EXOSC9: variants seen among roughly 807,000 people sequenced by gnomAD.
The protein encoded by EXOSC9 is exosome complex component RRP45.
In EXOSC9, 38 loss-of-function variants were observed where a neutral mutation model predicts 56.5. That is an observed-to-expected ratio of 0.67 (90% CI 0.52 to 0.88). The LOEUF (loss-of-function observed/expected upper bound fraction) is 0.88. Ranked by LOEUF, EXOSC9 falls within the 40% of genes least tolerant of loss-of-function variation. The pLI, the probability that EXOSC9 is intolerant of heterozygous loss-of-function variation, is 0.00. For synonymous variants in EXOSC9, 170 were observed against 170.8 expected, an observed-to-expected ratio of 0.99 and a Z score of 0.04; for missense variants, 559 against 530.5, an observed-to-expected ratio of 1.05 and a Z score of -0.53.
intron 9 of EXOSC9, 32 bp from the exon 10 acceptor site, chr4:121,813,834 T>C: frequency 6.7e-7 from 1 of 1,484,076 alleles, no homozygotes; most frequent in Non-Finnish European, 9.3e-7. Context: ...AATAGCAATA[T>C]TTTTGTTACT....
chr4:121,802,859 T>G (rs1272338914), intron 3 of EXOSC9, 56 bp from the exon 4 acceptor site: 8 of 1,611,260 alleles, frequency 5.0e-6, no homozygotes, highest in Non-Finnish European at 5.9e-6. Context: ...AGCTTTTGTT[T>G]TAATACCTGG....
At chr4:121,809,865 C>T (rs1183810448) in intron 6 of EXOSC9, 102 bp from the exon 7 acceptor site, 1 of 1,344,416 alleles carries the variant, frequency 7.4e-7, no homozygotes, top group Admixed American at 1.7e-5. Context: ...GACCTTTATT[C>T]TCTGTTGACT....
rs774275593 is a variant in EXOSC9, at chr4:121,801,481, A to G, written c.57A>G (p.Glu19=). 6.2e-7 allele frequency: 1 copy of G among 1,614,188 alleles called. No individual in the cohort carries two copies. The highest frequency in any genetic ancestry group is 8.5e-7 in the Non-Finnish European group (1 of 1,180,020). Residue 19 remains glutamate, a synonymous_variant, in exon 1 of 12, where the codon GAA becomes GAG. Transcript: ENST00000243498. Reference sequence around the variant, plus strand: ...GCCGCTTCCTACTCCGTGCCATCGAAGAGAAGAAGGTATGGTTTGGTGCCC... The same window carrying G: ...GCCGCTTCCTACTCCGTGCCATCGAGGAGAAGAAGGTATGGTTTGGTGCCC... The part of the protein sequence containing the change: ...CERRFLLRAI[E]EKKRLDGRQT...
Position 121,802,811 on chromosome 4 carries a change from T to A in EXOSC9, c.281+18T>A. ...CCTGGCAGGTATTTAAATCTTTTTC[T>A]TAAGTTGCTTTAGTCATAGGAGAAC... On this transcript the variant is annotated intron_variant, in intron 3 of 11. Coordinates refer to ENST00000243498, the MANE Select transcript of EXOSC9 (RefSeq NM_005033.3). 6.2e-7 allele frequency: 1 copy of A among 1,613,340 alleles called. No individual in the cohort carries two copies. Among genetic ancestry groups the A allele is most frequent in the Non-Finnish European group, 8.5e-7 (1 of 1,179,840 alleles).
chr4:121,807,495 C>A, intron 5 of EXOSC9, 45 bp from the exon 6 acceptor site: 2 of 1,227,642 alleles, frequency 1.6e-6, no homozygotes, highest in South Asian at 1.3e-5. Context: ...TTTGGATGTT[C>A]ATAACTTAGT....
intron 9 of EXOSC9, 111 bp downstream of exon 9, chr4:121,813,491 CTTTG>C: frequency 1.1e-6 from 1 of 914,108 alleles, no homozygotes; most frequent in Non-Finnish European, 1.7e-6. Context: ...AAACACTGTA[CTTTG>C]TTAGAGAAAA....
In EXOSC9 at chr4:121,816,428, A is replaced by G. The variant is rs1156334113; in HGVS notation, c.1216A>G (p.Lys406Glu). 6.3e-7 allele frequency: 1 copy of G among 1,576,274 alleles called. No individual in the cohort carries two copies. The highest frequency in any genetic ancestry group is 1.4e-5 in the African/African-American group (1 of 73,002). ...AGAAATGATCATTTTGGAACCAGAC[A>G]AGAATCCAAAGAAAATAAGGTAACA... Reference protein sequence around the residue: ...EEEMIILEPDKNPKKIRTQTT... With the variant: ...EEEMIILEPDENPKKIRTQTT... Residue 406 changes from lysine (K) to glutamate (E), a missense_variant, in exon 11 of 12, where the codon AAG becomes GAG. Coordinates refer to ENST00000243498, the MANE Select transcript of EXOSC9 (RefSeq NM_005033.3).
At chr4:121,816,327 C>G (rs1474990433) in intron 10 of EXOSC9, 42 bp from the exon 11 acceptor site, 1 of 1,065,848 alleles carries the variant, frequency 9.4e-7, no homozygotes, top group East Asian at 3.0e-5. Context: ...CAAGAGATTG[C>G]TTAACTTTTT....
chr4:121,813,806 A>C, intron 9 of EXOSC9, 60 bp from the exon 10 acceptor site: 1 of 1,249,836 alleles, frequency 8.0e-7, no homozygotes, highest in East Asian at 2.3e-5. Flanking sequence ...TTTCATTCTC[A>C]TCTTCAACAG....
chr4:121,816,997 TTAAAA>T lies in EXOSC9; in HGVS notation c.*145_*149del. ...AATAGTTTTTTGTTTTTAATGTGCT[TTAAAA>T]TAATAAACCTTCTGGAGCATTTCTC... On this transcript the variant is annotated 3_prime_UTR_variant, in exon 12 of 12. Transcript: ENST00000243498. The T allele has an allele frequency of 2.4e-6, 2 of 839,750 alleles. No homozygotes were observed. Among genetic ancestry groups the T allele is most frequent in the Non-Finnish European group, 3.5e-6 (2 of 575,500 alleles). 52.0% of individuals were successfully genotyped at this position (839,750 alleles called of 1,614,324 possible). A position where few individuals can be genotyped will look rare whatever the true frequency, so the allele number is the denominator to read the frequency against.
chr4:121,812,341 C>T (rs138701639), intron 8 of EXOSC9, among the ~76,000 whole-genome samples: 14 of 152,238 alleles, frequency 9.2e-5, no homozygotes, highest in East Asian at 1.9e-4. Context: ...CTTCCTTGAA[C>T]GAGGGCAACC....
Position 121,816,816 on chromosome 4 carries a change from A to C in EXOSC9, c.1280A>C (p.Lys427Thr). The part of the protein sequence containing the change: ...SAKQEKAPSK[K>T]PVKRRKKKRA... ...AAACAAGAAAAAGCACCAAGTAAAAAGCCAGTGAAAAGAAGAAAAAAGAAG... is the reference window on the plus strand; with the variant it reads ...AAACAAGAAAAAGCACCAAGTAAAACGCCAGTGAAAAGAAGAAAAAAGAAG... Residue 427 changes from lysine to threonine, a missense_variant, in exon 12 of 12, where the codon AAG becomes ACG. Lys to Thr is a moderately conservative substitution (Grantham distance 78). Coordinates refer to ENST00000243498, the MANE Select transcript of EXOSC9 (RefSeq NM_005033.3). 4 of 1,602,018 alleles carry C rather than the reference A, an allele frequency of 2.5e-6. No individual in the cohort carries two copies. The highest frequency in any genetic ancestry group is 2.6e-6 in the Non-Finnish European group (3 of 1,173,178).
Position 121,811,688 on chromosome 4 carries a change from G to A in EXOSC9, c.827+17G>A, listed in dbSNP as rs17452087. 20,026 of 1,243,248 alleles carry A rather than the reference G, an allele frequency of 0.016. 189 individuals are homozygous for A. The highest frequency in any genetic ancestry group is 0.019 in the Non-Finnish European group (16,847 of 888,922). 77.0% of individuals were successfully genotyped at this position (1,243,248 alleles called of 1,614,324 possible). ...AAAAGTAAGGTAAGTAACTTTTCCA[G>A]AACTAAGTGGTCTTTTATTTTCATT... is the stretch of plus-strand genomic sequence containing the variant. On this transcript the variant is annotated intron_variant, in intron 8 of 11. Transcript: ENST00000243498.
Position 121,803,030 on chromosome 4 carries a change from C to T in EXOSC9, c.384+13C>T, listed in dbSNP as rs543516670. 6 of 1,532,990 alleles carry T rather than the reference C, an allele frequency of 3.9e-6. No individual in the cohort carries two copies. Among genetic ancestry groups the T allele is most frequent in the South Asian group, 2.2e-5 (2 of 89,148 alleles). The allele number at this position is 1,532,990 out of a possible 1,614,324, so 95.0% of individuals were successfully genotyped here. ...TGCTGGTGAAAAGGTGGGGAATATG[C>T]CCATAATTCTTAATCTTAGGATGAA... On this transcript the variant is annotated intron_variant, in intron 4 of 11. Coordinates refer to ENST00000243498, the MANE Select transcript of EXOSC9 (RefSeq NM_005033.3).
chr4:121,811,490 TATAA>T, intron 7 of EXOSC9, 89 bp from the exon 8 acceptor site: 2 of 650,382 alleles, frequency 3.1e-6, no homozygotes, highest in Non-Finnish European at 5.0e-6. Context: ...AGGCTTAAAT[TATAA>T]AGGTAGAAAA....
intron 1 of EXOSC9, 73 bp downstream of exon 1, chr4:121,801,563 C>G: frequency 1.4e-6 from 2 of 1,400,410 alleles, no homozygotes; most frequent in Non-Finnish European, 2.0e-6. Context: ...GATACCTGGC[C>G]CGCCTGGGCC....
In EXOSC9 at chr4:121,802,690, TC is replaced by T. The variant is rs960048024; in HGVS notation, c.180del (p.Cys61ValfsTer40). 1 of 1,613,968 alleles carries T rather than the reference TC, an allele frequency of 6.2e-7. No homozygotes were observed. Among genetic ancestry groups the T allele is most frequent in the Non-Finnish European group, 8.5e-7 (1 of 1,179,980 alleles). On this transcript the variant is annotated frameshift_variant, in exon 3 of 12. Coordinates refer to ENST00000243498, the MANE Select transcript of EXOSC9 (RefSeq NM_005033.3). LOFTEE classifies it high-confidence loss of function. ...TCTTTGCAGAGTTCTTGGACAGGTT[TC>T]CTGTGAACTTGTGTCTCCAAAACTC... is the stretch of plus-strand genomic sequence containing the variant. ...LGKTRVLGQVSCELVSPKLNR... is the reference protein window; with the variant it reads ...LGKTRVLGQVXCELVSPKLNR...
intron 8 of EXOSC9, 120 bp from the exon 9 acceptor site, chr4:121,813,114 C>G (rs1724310293): frequency 2.2e-6 from 2 of 906,630 alleles, no homozygotes; most frequent in East Asian, 2.6e-5. Context: ...TAAACTAACT[C>G]TCTTCCAATA....
chr4:121,815,056 G>A (rs1028066909), intron 10 of EXOSC9: 1 of 152,050 alleles, frequency 6.6e-6, no homozygotes, highest in African/African-American at 2.4e-5. Flanking sequence ...CTGGAGCCTG[G>A]GCTTTTTGTT....
Sources: gnomAD v4.1 joint callset for allele counts (sites outside exome capture counted in the v4.1 genomes callset) on GRCh38, gnomAD v4.1.1 for gene constraint, MANE v1.5 for transcripts, NCBI Gene and HGNC (gene_info 2026-07-23, HGNC 2026-07-21) for gene names.